Variants in ADGRL3 observed in about 807,000 individuals in gnomAD.
The protein encoded by ADGRL3 is adhesion G protein-coupled receptor L3, also known as calcium-independent alpha-latrotoxin receptor 3.
In ADGRL3, 62 loss-of-function variants were observed where a neutral mutation model predicts 153.5. The ratio of observed to expected loss-of-function variants is 0.40; its 90% CI spans 0.33 to 0.50. ADGRL3 has a LOEUF of 0.50. ADGRL3 is among the 20% of genes least tolerant of loss of function. The pLI is 0.47. For missense variants in ADGRL3, 1,641 were observed against 1,859.4 expected, an observed-to-expected ratio of 0.88 and a Z score of 2.16; for synonymous variants, 710 against 672.5, an observed-to-expected ratio of 1.06 and a Z score of -0.86.
intron 8 of ADGRL3, among the ~76,000 whole-genome samples, chr4:61,741,739 C>A (rs971991222): frequency 1.3e-5 from 2 of 152,232 alleles, no homozygotes; most frequent in Admixed American, 6.5e-5. Context: ...CAAAGCTGAA[C>A]TTAACTATAC....
chr4:61,262,507 C>G (rs1401351406), intron 1 of ADGRL3, among the ~76,000 whole-genome samples: 1 of 152,068 alleles, frequency 6.6e-6, no homozygotes, highest in Admixed American at 6.6e-5. Flanking sequence ...ATTCTCCAGA[C>G]ACTGTATTAG....
rs77733782 is a variant in ADGRL3, at chr4:61,753,501, C to T, written c.1399+19947C>T. ...CCAGGGCTTCTTTAGATATTCCTAA[C>T]AAGAACCTGAGCAGTAAGGTTTTAA... On this transcript the variant is annotated intron_variant, in intron 8 of 26. Transcript: ENST00000683033. Among the ~76,000 whole-genome samples, 1,245 of 152,236 alleles carry T rather than the reference C, an allele frequency of 8.2e-3. 20 individuals carry two copies. The highest frequency in any genetic ancestry group is 0.028 in the African/African-American group (1,170 of 41,546).
chr4:61,938,156 T>A (rs2098847045), intron 15 of ADGRL3, among the ~76,000 whole-genome samples: 1 of 152,172 alleles, frequency 6.6e-6, no homozygotes, highest in African/African-American at 2.4e-5. Context: ...TAACTCACGG[T>A]GGGATGGCAA....
At chr4:62,033,340 T>C (rs1422559074) in intron 23 of ADGRL3, among the ~76,000 whole-genome samples, 1 of 151,814 alleles carries the variant, frequency 6.6e-6, no homozygotes, top group Non-Finnish European at 1.5e-5. Flanking sequence ...ATAGCTTTTT[T>C]AGTCAGAAAG....
chr4:62,003,707 C>G (rs1414297677), intron 21 of ADGRL3, among the ~76,000 whole-genome samples: 1 of 152,122 alleles, frequency 6.6e-6, no homozygotes, highest in Non-Finnish European at 1.5e-5. Flanking sequence ...CAGCCTCTAT[C>G]AAAATCCCAT....
chr4:61,293,923 T>TA (rs552861525), intron 1 of ADGRL3, among the ~76,000 whole-genome samples: 28 of 152,208 alleles, frequency 1.8e-4, no homozygotes, highest in Middle Eastern at 3.4e-3. Context: ...GTTTTAGGGA[T>TA]AAAATAGGTA....
chr4:61,277,832 A>C (rs1446490694), intron 1 of ADGRL3, among the ~76,000 whole-genome samples: 1 of 152,204 alleles, frequency 6.6e-6, no homozygotes, highest in Non-Finnish European at 1.5e-5. Flanking sequence ...AAATTATAAA[A>C]ATAAATGCTA....
At chr4:62,067,548 TC>T in intron 25 of ADGRL3, among the ~76,000 whole-genome samples, 1 of 151,964 alleles carries the variant, frequency 6.6e-6, no homozygotes, top group South Asian at 2.1e-4. Flanking sequence ...GAATATGAGC[TC>T]CAAAAATGAC....
At chr4:61,249,556 GAAAC>G (rs935681804) in intron 1 of ADGRL3, among the ~76,000 whole-genome samples, 1 of 65,394 alleles carries the variant, frequency 1.5e-5, no homozygotes, top group Non-Finnish European at 3.4e-5. Flanking sequence ...GGAAACAAAG[GAAAC>G]AAACAGAGTG....
chr4:61,525,583 G>A (rs865893731), intron 4 of ADGRL3, among the ~76,000 whole-genome samples: 2 of 152,116 alleles, frequency 1.3e-5, no homozygotes, highest in African/African-American at 4.8e-5. Context: ...TTAGGATAGA[G>A]TGGGACTTAA....
chr4:61,367,690 A>G (rs946514879), intron 1 of ADGRL3, among the ~76,000 whole-genome samples: 2 of 146,720 alleles, frequency 1.4e-5, no homozygotes, highest in Non-Finnish European at 3.0e-5. Flanking sequence ...TAATGCCACA[A>G]TAAACATACG....
At chr4:61,914,346 A>G (rs1273322987) in intron 13 of ADGRL3, among the ~76,000 whole-genome samples, 1 of 152,168 alleles carries the variant, frequency 6.6e-6, no homozygotes, top group Non-Finnish European at 1.5e-5. Flanking sequence ...TCAGGCCCCT[A>G]TAACAAAAGA....
intron 21 of ADGRL3, among the ~76,000 whole-genome samples, chr4:62,014,669 G>A (rs2151297147): frequency 6.6e-6 from 1 of 152,216 alleles, no homozygotes; most frequent in Non-Finnish European, 1.5e-5. Context: ...AGAAAATACT[G>A]TTATACATAA....
intron 8 of ADGRL3, among the ~76,000 whole-genome samples, chr4:61,795,137 A>G (rs927699761): frequency 3.3e-5 from 5 of 152,122 alleles, no homozygotes; most frequent in African/African-American, 1.2e-4. Context: ...TGCTCAACCT[A>G]AATTTATGTA....
chr4:62,047,596 A>C (rs1392636296), intron 25 of ADGRL3, among the ~76,000 whole-genome samples: 1 of 152,132 alleles, frequency 6.6e-6, no homozygotes, highest in African/African-American at 2.4e-5. Context: ...AAGCATGTGA[A>C]ACCTTGGCAG....
intron 8 of ADGRL3, among the ~76,000 whole-genome samples, chr4:61,813,118 G>C (rs1270688680): frequency 6.6e-6 from 1 of 152,102 alleles, no homozygotes; most frequent in Non-Finnish European, 1.5e-5. Flanking sequence ...CAGCAAGCTG[G>C]GCTCAGTGGC....
intron 17 of ADGRL3, among the ~76,000 whole-genome samples, chr4:61,956,772 A>C (rs553891261): frequency 6.6e-6 from 1 of 152,290 alleles, no homozygotes; most frequent in African/African-American, 2.4e-5. Flanking sequence ...CAGTTTTCCC[A>C]GCACCATTTA....
At chr4:61,307,058 A>C (rs2094816536) in intron 1 of ADGRL3, among the ~76,000 whole-genome samples, 1 of 152,194 alleles carries the variant, frequency 6.6e-6, no homozygotes, top group Non-Finnish European at 1.5e-5. Flanking sequence ...GTGTGTAAAA[A>C]TTTCTGTGAG....
intron 21 of ADGRL3, among the ~76,000 whole-genome samples, chr4:62,004,216 T>C (rs1284751963): frequency 1.3e-5 from 2 of 152,030 alleles, no homozygotes; most frequent in Non-Finnish European, 2.9e-5. Context: ...CAATTTCACA[T>C]TAATATAATG....
Sources: allele counts gnomAD v4.1 joint callset (sites outside exome capture counted in the v4.1 genomes callset), GRCh38; gene constraint gnomAD v4.1.1; transcripts MANE v1.5; gene names NCBI Gene and HGNC (gene_info 2026-07-23, HGNC 2026-07-21).